PCDHGC3: variants seen among roughly 807,000 people sequenced by gnomAD.
PCDHGC3 encodes protocadherin gamma-C3.
In PCDHGC3, 26 loss-of-function variants were observed where a neutral mutation model predicts 59.2. The ratio of observed to expected loss-of-function variants is 0.44; its 90% CI spans 0.32 to 0.61. PCDHGC3 has a LOEUF of 0.61. Among genes scored for constraint, PCDHGC3 ranks in the 20% least tolerant of loss-of-function variants. The pLI, the probability that PCDHGC3 is intolerant of heterozygous loss-of-function variation, is 0.05. For synonymous variants in PCDHGC3, 487 were observed against 519.7 expected (o/e 0.94, Z 0.86); for missense variants, 1,080 against 1,221.8 (o/e 0.88, Z 1.73).
chr5:141,476,196 A>G lies in PCDHGC3; in HGVS notation c.80A>G (p.Asn27Ser), dbSNP rs2099386612. The G allele has an allele frequency of 6.2e-7, 1 of 1,613,852 alleles. No individual in the cohort carries two copies. Among genetic ancestry groups the G allele is most frequent in the South Asian group, 1.1e-5 (1 of 91,074 alleles). ...GTTTTGCTTCTGCTTGGTGCCTTGA[A>G]CAAGGCTTCCACGGTCATTCACTAT... ...VGVLLLLGALNKASTVIHYEI... is the reference protein window; with the variant it reads ...VGVLLLLGALSKASTVIHYEI... The change falls in exon 1 of 4, where the codon AAC becomes AGC. Residue 27 changes from asparagine (N) to serine (S), a missense_variant. Coordinates refer to ENST00000308177, the MANE Select transcript of PCDHGC3 (RefSeq NM_002588.4). This position sits in a 1 kb window ranked among gnomAD's most constrained non-coding sequence, Gnocchi z 7.6.
chr5:141,491,368 A>G lies in PCDHGC3; in HGVS notation c.2431-3439A>G. ...CAGTCTCTTATCCCTAGTCACCTTC[A>G]CCTTTCTGTCAGCGAAGTGCCTTCA... On this transcript the variant is annotated intron_variant, in intron 1 of 3. Transcript: ENST00000308177. This position sits in a 1 kb window ranked among gnomAD's most constrained non-coding sequence, Gnocchi z 6.9. 6.2e-7 allele frequency: 1 copy of G among 1,613,842 alleles called. No homozygotes were observed. The highest frequency in any genetic ancestry group is 8.5e-7 in the Non-Finnish European group (1 of 1,179,940).
chr5:141,503,910 G>A (rs1311674998), intron 2 of PCDHGC3, among the ~76,000 whole-genome samples: 1 of 152,062 alleles, frequency 6.6e-6, no homozygotes, highest in Admixed American at 6.6e-5. Flanking sequence ...CACACACAAC[G>A]CAACACACAC....
rs1562144438 is a variant in PCDHGC3, at chr5:141,491,135, G to A, written c.2431-3672G>A. On this transcript the variant is annotated intron_variant, in intron 1 of 3. Transcript: ENST00000308177. The surrounding 1 kb of genome is among the most constrained non-coding windows in gnomAD (Gnocchi z 6.9). Reference sequence around the variant, plus strand: ...CACACTGGTGAGGTGCGCACAGCCCGGGCCTTACTGGAGGATGACTCTGAC... The same window carrying A: ...CACACTGGTGAGGTGCGCACAGCCCAGGCCTTACTGGAGGATGACTCTGAC... 4 of 1,614,104 alleles carry A rather than the reference G, an allele frequency of 2.5e-6. No homozygotes were observed. The highest frequency in any genetic ancestry group is 1.3e-5 in the African/African-American group (1 of 75,034).
rs2099415271 is a variant in PCDHGC3, at chr5:141,477,659, G to A, written c.1543G>A (p.Asp515Asn). 6.2e-7 allele frequency: 1 copy of A among 1,614,194 alleles called. No individual in the cohort carries two copies. The highest frequency in any genetic ancestry group is 1.3e-5 in the African/African-American group (1 of 75,046). ...GGGTCGCTATTTCACAATAAATCGT[G>A]ACAATGGCATAGTGTCATCCTTAGT... ...LVGRYFTINR[D>N]NGIVSSLVPL... The change falls in exon 1 of 4, where the codon GAC becomes AAC. Residue 515 changes from aspartate (D) to asparagine (N), a missense_variant. By Grantham distance (23) the Asp-to-Asn change is conservative (BLOSUM62 1). Transcript: ENST00000308177. The surrounding 1 kb of genome is among the most constrained non-coding windows in gnomAD (Gnocchi z 4.9).
chr5:141,488,113 T>C (rs1053996929), intron 1 of PCDHGC3, among the ~76,000 whole-genome samples: 1 of 152,084 alleles, frequency 6.6e-6, no homozygotes, highest in African/African-American at 2.4e-5. Flanking sequence ...ATTTGAAACA[T>C]AGAGACAGCA....
chr5:141,491,208 C>G lies in PCDHGC3; in HGVS notation c.2431-3599C>G. 6.2e-7 allele frequency: 1 copy of G among 1,614,204 alleles called. No individual in the cohort carries two copies. Among genetic ancestry groups the G allele is most frequent in the Non-Finnish European group, 8.5e-7 (1 of 1,180,026 alleles). ...TGAGGGACAATGGTGACCCTTCACTCTCCTCCACAGCCACAGTGCTGCTGG... is the reference window on the plus strand; with the variant it reads ...TGAGGGACAATGGTGACCCTTCACTGTCCTCCACAGCCACAGTGCTGCTGG... On this transcript the variant is annotated intron_variant, in intron 1 of 3. Coordinates refer to ENST00000308177, the MANE Select transcript of PCDHGC3 (RefSeq NM_002588.4). This position sits in a 1 kb window ranked among gnomAD's most constrained non-coding sequence, Gnocchi z 6.9.
chr5:141,485,134 C>T lies in PCDHGC3; in HGVS notation c.2430+6588C>T. The T allele has an allele frequency of 6.7e-7, 1 of 1,495,958 alleles. No homozygotes were observed. The highest frequency in any genetic ancestry group is 1.4e-5 in the African/African-American group (1 of 72,714). 92.7% of individuals were successfully genotyped at this position (1,495,958 alleles called of 1,614,324 possible). On this transcript the variant is annotated intron_variant, in intron 1 of 3. Transcript: ENST00000308177. The surrounding 1 kb of genome is among the most constrained non-coding windows in gnomAD (Gnocchi z 5.7). Reference sequence around the variant, plus strand: ...CTGTTTGGGGCGGGTCGGCTTCATCCGCGTCTCAGGAGCAAGTAGAGAATT... The same window carrying T: ...CTGTTTGGGGCGGGTCGGCTTCATCTGCGTCTCAGGAGCAAGTAGAGAATT...
In PCDHGC3 at chr5:141,477,070, T is replaced by A; in HGVS notation, c.954T>A (p.His318Gln). 6.2e-7 allele frequency: 1 copy of A among 1,613,342 alleles called. No individual in the cohort carries two copies. The highest frequency in any genetic ancestry group is 8.5e-7 in the Non-Finnish European group (1 of 1,179,244). Reference protein sequence around the residue: ...GRLDFEDTKLHEIYIQAKDKG... With the variant: ...GRLDFEDTKLQEIYIQAKDKG... ...TGGACTTCGAGGACACCAAACTCCATGAGATTTACATCCAGGCCAAAGACA... is the reference window on the plus strand; with the variant it reads ...TGGACTTCGAGGACACCAAACTCCAAGAGATTTACATCCAGGCCAAAGACA... Residue 318 changes from histidine (H) to glutamine (Q), a missense_variant, in exon 1 of 4, where the codon CAT becomes CAA. His to Gln is a conservative substitution (Grantham distance 24, BLOSUM62 0). Coordinates refer to ENST00000308177, the MANE Select transcript of PCDHGC3 (RefSeq NM_002588.4). The surrounding 1 kb of genome is among the most constrained non-coding windows in gnomAD (Gnocchi z 4.9).
At chr5:141,508,324 G>A (rs1668975090) in intron 3 of PCDHGC3, 1 of 151,252 alleles carries the variant, frequency 6.6e-6, no homozygotes, top group African/African-American at 2.4e-5. Flanking sequence ...GAGGGGCACT[G>A]GAGAACTGAC....
chr5:141,487,340 G>A lies in PCDHGC3; in HGVS notation c.2431-7467G>A, dbSNP rs2099643329. 6.2e-7 allele frequency: 1 copy of A among 1,614,182 alleles called. No individual in the cohort carries two copies. Among genetic ancestry groups the A allele is most frequent in the Admixed American group, 1.7e-5 (1 of 60,024 alleles). The stretch of plus-strand genomic sequence containing the variant: ...GTGTCTTCGTGGGGCAGCCTGTGGA[G>A]TCACATGCTTTCCTGCTGGCACCTG... On this transcript the variant is annotated intron_variant, in intron 1 of 3. Coordinates refer to ENST00000308177, the MANE Select transcript of PCDHGC3 (RefSeq NM_002588.4). This position sits in a 1 kb window ranked among gnomAD's most constrained non-coding sequence, Gnocchi z 5.0.
chr5:141,488,915 G>A (rs942297924), intron 1 of PCDHGC3, among the ~76,000 whole-genome samples: 12 of 152,180 alleles, frequency 7.9e-5, no homozygotes, highest in Non-Finnish European at 2.9e-5. Flanking sequence ...TGTTCCCAAG[G>A]TTTCCAGGAT....
At chr5:141,492,070 G>T (rs1408035481) in intron 1 of PCDHGC3, 1 of 477,946 alleles carries the variant, frequency 2.1e-6, no homozygotes. Context: ...CCTCCTAGGC[G>T]CCGGCTCCGG....
At position 141,490,370 on chromosome 5, in the gene PCDHGC3, G is replaced by A. The variant is rs768474199; in HGVS notation, c.2431-4437G>A. Reference sequence around the variant, plus strand: ...GTGGGGTTGTTTAATGTGCGAGACCGGGACTCAGGTAGAAATGGTGAAGTG... The same window carrying A: ...GTGGGGTTGTTTAATGTGCGAGACCAGGACTCAGGTAGAAATGGTGAAGTG... On this transcript the variant is annotated intron_variant, in intron 1 of 3. Coordinates refer to ENST00000308177, the MANE Select transcript of PCDHGC3 (RefSeq NM_002588.4). The surrounding 1 kb of genome is among the most constrained non-coding windows in gnomAD (Gnocchi z 5.4). 32 of 1,614,054 alleles carry A rather than the reference G, an allele frequency of 2.0e-5. No homozygotes were observed. The highest frequency in any genetic ancestry group is 1.0e-4 in the Admixed American group (6 of 60,006).
In PCDHGC3 at chr5:141,486,546, G is replaced by A. The variant is rs1156517969; in HGVS notation, c.2430+8000G>A. Reference sequence around the variant, plus strand: ...GATAATCCACCCTCTTTCTTTCAGAGGTCACATGAGGTGTTTGTTCCTGAG... The same window carrying A: ...GATAATCCACCCTCTTTCTTTCAGAAGTCACATGAGGTGTTTGTTCCTGAG... On this transcript the variant is annotated intron_variant, in intron 1 of 3. Coordinates refer to ENST00000308177, the MANE Select transcript of PCDHGC3 (RefSeq NM_002588.4). The surrounding 1 kb of genome is among the most constrained non-coding windows in gnomAD (Gnocchi z 5.0). 3 of 1,614,084 alleles carry A rather than the reference G, an allele frequency of 1.9e-6. No homozygotes were observed. The East Asian group carries it at 6.7e-5, about 36-fold the overall frequency.
In PCDHGC3 at chr5:141,476,012, T is replaced by C. The variant is rs2099383969; in HGVS notation, c.-105T>C. The stretch of plus-strand genomic sequence containing the variant: ...CAAATCAACGGCATCCAGAAAGCCA[T>C]GTCGGACTCGGCGCCCAGCGCCCAA... On this transcript the variant is annotated 5_prime_UTR_variant, in exon 1 of 4. The change abolishes an upstream ATG in the 5' untranslated region. Coordinates refer to ENST00000308177, the MANE Select transcript of PCDHGC3 (RefSeq NM_002588.4). This position sits in a 1 kb window ranked among gnomAD's most constrained non-coding sequence, Gnocchi z 7.6. 7.6e-7 allele frequency: 1 copy of C among 1,317,178 alleles called. No individual in the cohort carries two copies. The highest frequency in any genetic ancestry group is 1.4e-5 in the South Asian group (1 of 69,696). The allele number at this position is 1,317,178 out of a possible 1,614,324, so 81.6% of individuals were successfully genotyped here. A position where few individuals can be genotyped will look rare whatever the true frequency, so the allele number is the denominator to read the frequency against.
Position 141,493,359 on chromosome 5 carries a change from G to A in PCDHGC3, c.2431-1448G>A, listed in dbSNP as rs956980110. Among the ~76,000 whole-genome samples the A allele has an allele frequency of 2.6e-5, 4 of 152,148 alleles. No homozygotes were observed. The highest frequency in any genetic ancestry group is 9.7e-5 in the African/African-American group (4 of 41,418). ...CCAGAATGTGTGCTTTTAATTTCTT[G>A]GCACTTGGAACTTTAAAAGCTTGAG... On this transcript the variant is annotated intron_variant, in intron 1 of 3. Transcript: ENST00000308177. This position sits in a 1 kb window ranked among gnomAD's most constrained non-coding sequence, Gnocchi z 4.3.
intron 2 of PCDHGC3, among the ~76,000 whole-genome samples, chr5:141,504,782 G>A (rs2099841011): frequency 6.6e-6 from 1 of 151,926 alleles, no homozygotes; most frequent in Non-Finnish European, 1.5e-5. Context: ...AGGGTCTCTT[G>A]GGGCCTCCTA....
In PCDHGC3 at chr5:141,489,705, C is replaced by G; in HGVS notation, c.2431-5102C>G. The G allele has an allele frequency of 6.2e-7, 1 of 1,614,022 alleles. No homozygotes were observed. The highest frequency in any genetic ancestry group is 1.1e-5 in the South Asian group (1 of 91,074). ...CATCTGGGGCACGATTCCCACTGGA[C>G]AGTGCCCAGGATCCGGATGTGGGCA... On this transcript the variant is annotated intron_variant, in intron 1 of 3. Coordinates refer to ENST00000308177, the MANE Select transcript of PCDHGC3 (RefSeq NM_002588.4). The surrounding 1 kb of genome is among the most constrained non-coding windows in gnomAD (Gnocchi z 4.5).
rs745989563 is a variant in PCDHGC3, at chr5:141,490,728, T to G, written c.2431-4079T>G. The G allele has an allele frequency of 6.2e-7, 1 of 1,614,148 alleles. No individual in the cohort carries two copies. Among genetic ancestry groups the G allele is most frequent in the East Asian group, 2.2e-5 (1 of 44,882 alleles). ...GCCTCACCTACTCCATTGTAGGAAA[T>G]CAGGTTCAGGGAGCCCCAGCCTCCT... On this transcript the variant is annotated intron_variant, in intron 1 of 3. Transcript: ENST00000308177. The surrounding 1 kb of genome is among the most constrained non-coding windows in gnomAD (Gnocchi z 5.4).
Sources: gnomAD v4.1 joint callset for allele counts (sites outside exome capture counted in the v4.1 genomes callset) on GRCh38, gnomAD v4.1.1 for gene constraint, Gnocchi (gnomAD v3.1) non-coding constraint, MANE v1.5 for transcripts, NCBI Gene and HGNC (gene_info 2026-07-23, HGNC 2026-07-21) for gene names.